The following SLCO5A1 variants were observed in gnomAD, a reference collection of about 807,000 sequenced individuals.
SLCO5A1 encodes the protein solute carrier organic anion transporter family member 5A1, also known as organic anion transporter polypeptide-related protein 4.
In SLCO5A1, 39 loss-of-function variants were observed where a neutral mutation model predicts 65.1. The observed-to-expected ratio is 0.60, with a 90% CI of 0.46 to 0.78. The LOEUF (loss-of-function observed/expected upper bound fraction) is 0.78, where lower values mean the gene tolerates loss of function less well. Among genes scored for constraint, SLCO5A1 ranks in the 30% least tolerant of loss-of-function variants. The probability of loss-of-function intolerance (pLI) is 0.00; values close to 1 mark genes in which losing one functional copy is unlikely to be tolerated. For missense variants in SLCO5A1, 1,029 were observed against 1,069.4 expected, an observed-to-expected ratio of 0.96 and a Z score of 0.53; for synonymous variants, 438 against 415.7, an observed-to-expected ratio of 1.05 and a Z score of -0.65.
chr8:69,827,012 C>T (rs555228266), intron 2 of SLCO5A1, among the ~76,000 whole-genome samples: 6 of 152,018 alleles, frequency 3.9e-5, no homozygotes, highest in East Asian at 1.9e-4. Context: ...ATGGATGAAG[C>T]TGGAAATCAT....
At chr8:69,773,175 G>A (rs1406773701) in intron 2 of SLCO5A1, among the ~76,000 whole-genome samples, 1 of 152,182 alleles carries the variant, frequency 6.6e-6, no homozygotes, top group African/African-American at 2.4e-5. Flanking sequence ...TGCACCCTAG[G>A]CCCATCCTGT....
chr8:69,783,761 G>A (rs1461301158), intron 2 of SLCO5A1, among the ~76,000 whole-genome samples: 2 of 152,062 alleles, frequency 1.3e-5, no homozygotes, highest in Non-Finnish European at 2.9e-5. Flanking sequence ...GTGAAAAAGA[G>A]GGCCATGCCC....
intron 1 of SLCO5A1, chr8:69,833,961 C>T (rs1482934902): frequency 6.6e-6 from 1 of 152,420 alleles, no homozygotes; most frequent in Non-Finnish European, 1.5e-5. Flanking sequence ...GATCCCGGCA[C>T]GCTGTCAGAG....
chr8:69,767,158 C>T (rs546476851), intron 2 of SLCO5A1, among the ~76,000 whole-genome samples: 1 of 152,276 alleles, frequency 6.6e-6, no homozygotes, highest in Admixed American at 6.5e-5. Context: ...AATATAAACA[C>T]AAATAGAAGT....
chr8:69,819,682 C>A (rs754678289), intron 2 of SLCO5A1, among the ~76,000 whole-genome samples: 9 of 152,164 alleles, frequency 5.9e-5, no homozygotes, highest in Non-Finnish European at 1.2e-4. Context: ...CAGTTCTGGG[C>A]CAGGCGCAGT....
intron 4 of SLCO5A1, among the ~76,000 whole-genome samples, chr8:69,750,744 G>T (rs1217978833): frequency 6.6e-6 from 1 of 152,136 alleles, no homozygotes; most frequent in Non-Finnish European, 1.5e-5. Context: ...TCCTTCTGCA[G>T]CCTTGAACCT....
intron 5 of SLCO5A1, among the ~76,000 whole-genome samples, chr8:69,736,372 T>G (rs1386408665): frequency 6.6e-6 from 1 of 152,246 alleles, no homozygotes; most frequent in East Asian, 1.9e-4. Context: ...AACTAAGAGA[T>G]GGCTTTAGCC....
At chr8:69,725,691 G>A (rs984376715) in intron 5 of SLCO5A1, among the ~76,000 whole-genome samples, 22 of 152,152 alleles carry the variant, frequency 1.4e-4, no homozygotes, top group Admixed American at 2.6e-4. Context: ...TTGTAGAGAT[G>A]CAAACCCTAA....
At chr8:69,682,645 T>G (rs1813834323) in intron 6 of SLCO5A1, among the ~76,000 whole-genome samples, 1 of 152,186 alleles carries the variant, frequency 6.6e-6, no homozygotes, top group South Asian at 2.1e-4. Context: ...GCTCTGCAAT[T>G]CCAACCCTAA....
At chr8:69,831,432 TC>T in intron 2 of SLCO5A1, among the ~76,000 whole-genome samples, 1 of 152,282 alleles carries the variant, frequency 6.6e-6, no homozygotes, top group African/African-American at 2.4e-5. Context: ...TATTCCTTCC[TC>T]AACAAGTGTA....
chr8:69,729,212 A>G (rs1280866859), intron 5 of SLCO5A1, among the ~76,000 whole-genome samples: 2 of 152,278 alleles, frequency 1.3e-5, no homozygotes, highest in East Asian at 3.9e-4. Flanking sequence ...TGGGAGGCCG[A>G]GGCAGGCGGA....
chr8:69,675,239 A>C (rs879309400), intron 9 of SLCO5A1, among the ~76,000 whole-genome samples: 1 of 149,790 alleles, frequency 6.7e-6, no homozygotes, highest in East Asian at 2.0e-4. Context: ...CAGTGGCTCC[A>C]TCTCGGCTCA....
intron 2 of SLCO5A1, among the ~76,000 whole-genome samples, chr8:69,811,622 G>C (rs996330802): frequency 6.6e-6 from 1 of 152,220 alleles, no homozygotes; most frequent in Non-Finnish European, 1.5e-5. Context: ...CAAGCTTACT[G>C]TGTGAGGCAG....
At chr8:69,699,360 C>A (rs1012141237) in intron 6 of SLCO5A1, among the ~76,000 whole-genome samples, 26 of 152,150 alleles carry the variant, frequency 1.7e-4, no homozygotes, top group African/African-American at 6.3e-4. Context: ...TCTAGGATGC[C>A]AGCAGCAAGG....
intron 8 of SLCO5A1, among the ~76,000 whole-genome samples, chr8:69,678,538 T>C (rs1813638696): frequency 1.3e-5 from 2 of 152,212 alleles, no homozygotes; most frequent in African/African-American, 2.4e-5. Flanking sequence ...ATATAAGCTC[T>C]AATAAACTTT....
Position 69,729,208 on chromosome 8 carries a change from G to A in SLCO5A1, c.1423+8832C>T, listed in dbSNP as rs370381152. Among the ~76,000 whole-genome samples the A allele has an allele frequency of 5.3e-4, 80 of 152,252 alleles. 2 individuals are homozygous for A. The South Asian group carries it at 9.1e-3, about 17-fold the overall frequency. ...GCCTGTAATCCCAGCACTTTGGGAG[G>A]CCGAGGCAGGCGGATCACGAGGTCA... On this transcript the variant is annotated intron_variant, in intron 5 of 9. Transcript: ENST00000260126.
rs1816633729 is a variant in SLCO5A1 at position 69,738,042 on chromosome 8, G to A, written c.1421C>T (p.Thr474Ile). 6.2e-7 allele frequency: 1 copy of A among 1,613,460 alleles called. No homozygotes were observed. The highest frequency in any genetic ancestry group is 8.5e-7 in the Non-Finnish European group (1 of 1,179,688). Residue 474 changes from threonine to isoleucine, a missense_variant and splice_region_variant, in exon 5 of 10, where the codon ACT becomes ATT. Physicochemically the swap from Thr to Ile is moderately conservative, Grantham distance 89. Coordinates refer to ENST00000260126, the MANE Select transcript of SLCO5A1 (RefSeq NM_030958.3). ...CAGCCCTAGCGGCAGTGCCTTACCAGTGTAGATGCTGGCATTGGAGGCTGG... is the reference window on the plus strand; with the variant it reads ...CAGCCCTAGCGGCAGTGCCTTACCAATGTAGATGCTGGCATTGGAGGCTGG... Reference protein sequence around the residue: ...GIPASNASIYTGVIIVPSAGV... With the variant: ...GIPASNASIYIGVIIVPSAGV...
chr8:69,746,765 A>C (rs1441044894), intron 4 of SLCO5A1, among the ~76,000 whole-genome samples: 1 of 152,152 alleles, frequency 6.6e-6, no homozygotes, highest in African/African-American at 2.4e-5. Context: ...CATGTTTATA[A>C]ATTTCTATAT....
chr8:69,822,588 G>C (rs1820695075), intron 2 of SLCO5A1, among the ~76,000 whole-genome samples: 1 of 152,128 alleles, frequency 6.6e-6, no homozygotes, highest in Admixed American at 6.5e-5. Flanking sequence ...TACTTGGAAA[G>C]AGCAAACTAT....
Sources: allele counts gnomAD v4.1 joint callset (sites outside exome capture counted in the v4.1 genomes callset), GRCh38; gene constraint gnomAD v4.1.1; transcripts MANE v1.5; gene names NCBI Gene and HGNC (gene_info 2026-07-23, HGNC 2026-07-21).